The following PRKD1 variants were observed in gnomAD, a reference collection of about 807,000 sequenced individuals.
PRKD1 encodes the protein serine/threonine-protein kinase D1.
In PRKD1, 63 loss-of-function variants were observed where a neutral mutation model predicts 95.9. That is an observed-to-expected ratio of 0.66 (90% confidence interval 0.54 to 0.81). The LOEUF (loss-of-function observed/expected upper bound fraction) is 0.81. Among genes scored for constraint, PRKD1 ranks in the 30% least tolerant of loss-of-function variants. PRKD1 has a pLI of 0.00. For missense variants in PRKD1, 1,048 were observed against 1,165.3 expected (o/e 0.90, Z 1.47); for synonymous variants, 425 against 423.1 (o/e 1.00, Z -0.05).
In PRKD1 at chr14:29,826,838, T is replaced by TACACAC. The variant is rs1162574324; in HGVS notation, c.264+100405_264+100410dup. Among the ~76,000 whole-genome samples the TACACAC allele has an allele frequency of 1.4e-3, 24 of 17,434 alleles. 1 individual carries two copies. Among genetic ancestry groups the TACACAC allele is most frequent in the African/African-American group, 3.9e-3 (19 of 4,840 alleles). 11.4% of individuals were successfully genotyped at this position (17,434 alleles called of 152,430 possible). A position where few individuals can be genotyped will look rare whatever the true frequency, so the allele number is the denominator to read the frequency against. On this transcript the variant is annotated intron_variant, in intron 1 of 17. Coordinates refer to ENST00000331968, the MANE Select transcript of PRKD1 (RefSeq NM_002742.3). ...ACACATATATATATATATATATATATACACACATATATATATATATATATA... is the reference window on the plus strand; with the variant it reads ...ACACATATATATATATATATATATATACACACACACACATATATATATATATATATA...
intron 1 of PRKD1, among the ~76,000 whole-genome samples, chr14:29,903,770 A>C (rs1332711926): frequency 6.6e-6 from 1 of 152,222 alleles, no homozygotes; most frequent in Non-Finnish European, 1.5e-5. Flanking sequence ...ATGTTTATTA[A>C]GGCTGGGTAC....
intron 1 of PRKD1, among the ~76,000 whole-genome samples, chr14:29,759,165 AGATTAGGTGCATAGGCAGTGAGTGTG>A (rs1332750187): frequency 2.0e-5 from 3 of 152,078 alleles, no homozygotes; most frequent in Non-Finnish European, 4.4e-5. Flanking sequence ...CATTATATTG[AGATTAGGTGCATAGGCAGTGAGTGTG>A]GATTAGGTGC....
In PRKD1 at chr14:29,649,502, A is replaced by AT. The variant is rs201718544; in HGVS notation, c.697-10599dup. Reference sequence around the variant, plus strand: ...GTGTTTGTAGTTGCTAGTGTAGTTGATTTTTTTTTGGCTCGAGCTGCGAGA... The same window carrying AT: ...GTGTTTGTAGTTGCTAGTGTAGTTGATTTTTTTTTTGGCTCGAGCTGCGAGA... On this transcript the variant is annotated intron_variant, in intron 4 of 17. Coordinates refer to ENST00000331968, the MANE Select transcript of PRKD1 (RefSeq NM_002742.3). Among the ~76,000 whole-genome samples the AT allele has an allele frequency of 5.2e-4, 75 of 145,530 alleles. 1 individual carries two copies. In the East Asian group the frequency reaches 0.011, roughly 22 times the overall value.
In PRKD1 at chr14:29,910,244, G is replaced by A. The variant is rs150422408; in HGVS notation, c.264+17005C>T. On this transcript the variant is annotated intron_variant, in intron 1 of 17. Transcript: ENST00000331968. ...ATGAACAACTCCGGATGGGAGGAAC[G>A]AACAACTCCAGACGCGCCGCCTTAA... 1.5e-3 allele frequency among the ~76,000 whole-genome samples: 232 copies of A among 152,132 alleles called. 6 individuals carry two copies. The East Asian group carries it at 0.04, about 26-fold the overall frequency.
chr14:29,594,725 A>G (rs1893240840), intron 16 of PRKD1, among the ~76,000 whole-genome samples: 1 of 152,138 alleles, frequency 6.6e-6, no homozygotes, highest in Non-Finnish European at 1.5e-5. Flanking sequence ...AATTGATCTA[A>G]TATCAGCTGT....
intron 1 of PRKD1, among the ~76,000 whole-genome samples, chr14:29,887,948 C>A (rs1294605191): frequency 6.6e-6 from 1 of 152,132 alleles, no homozygotes; most frequent in Non-Finnish European, 1.5e-5. Context: ...CATTACTGAG[C>A]AAAGGAATAT....
chr14:29,721,737 G>A (rs773832621), intron 2 of PRKD1, among the ~76,000 whole-genome samples: 1 of 152,072 alleles, frequency 6.6e-6, no homozygotes, highest in Non-Finnish European at 1.5e-5. Flanking sequence ...AAGAATGCTA[G>A]TCCTTTGTTT....
chr14:29,587,074 T>TG (rs1892961316), intron 16 of PRKD1, among the ~76,000 whole-genome samples: 1 of 152,134 alleles, frequency 6.6e-6, no homozygotes, highest in African/African-American at 2.4e-5. Context: ...AAGAGAAGGC[T>TG]GGGGGAGACG....
intron 10 of PRKD1, among the ~76,000 whole-genome samples, chr14:29,629,989 TCTTCTTCTTCTTCTCCTTCTC>T (rs1257618189): frequency 2.3e-5 from 1 of 44,348 alleles, no homozygotes; most frequent in Non-Finnish European, 9.4e-5. Flanking sequence ...TTCCTCCTCC[TCTTCTTCTTCTTCTCCTTCTC>T]CTTCTTCTTC....
At chr14:29,847,910 T>C (rs962543240) in intron 1 of PRKD1, among the ~76,000 whole-genome samples, 1 of 151,950 alleles carries the variant, frequency 6.6e-6, no homozygotes, top group Non-Finnish European at 1.5e-5. Flanking sequence ...CTCTCTAGGA[T>C]TGGCAGAAGA....
At chr14:29,776,360 A>T (rs755783312) in intron 1 of PRKD1, among the ~76,000 whole-genome samples, 1 of 152,206 alleles carries the variant, frequency 6.6e-6, no homozygotes, top group Non-Finnish European at 1.5e-5. Context: ...CTAAAGGAGG[A>T]TGTTCGAACC....
At chr14:29,684,853 C>A (rs1305288687) in intron 2 of PRKD1, among the ~76,000 whole-genome samples, 2 of 152,164 alleles carry the variant, frequency 1.3e-5, no homozygotes, top group African/African-American at 4.8e-5. Flanking sequence ...TTAAGGCATG[C>A]AATTTTTCCA....
chr14:29,695,647 G>C (rs1318931777), intron 2 of PRKD1, among the ~76,000 whole-genome samples: 1 of 152,196 alleles, frequency 6.6e-6, no homozygotes, highest in African/African-American at 2.4e-5. Context: ...TGGGTATTTT[G>C]CCTTTGCAAA....
intron 4 of PRKD1, among the ~76,000 whole-genome samples, chr14:29,661,066 TATA>T (rs1882160544): frequency 6.6e-6 from 1 of 152,238 alleles, no homozygotes; most frequent in African/African-American, 2.4e-5. Flanking sequence ...TCTATGCTAT[TATA>T]ATATTTTTTC....
intron 1 of PRKD1, among the ~76,000 whole-genome samples, chr14:29,848,175 G>A (rs1238132865): frequency 1.3e-5 from 2 of 152,074 alleles, no homozygotes; most frequent in African/African-American, 4.8e-5. Flanking sequence ...CAGCTTATAG[G>A]AGCCAAGATG....
In PRKD1 at chr14:29,633,032, G is replaced by A. The variant is rs1028538802; in HGVS notation, c.1315-86C>T. On this transcript the variant is annotated intron_variant, in intron 8 of 17. Transcript: ENST00000331968. ...AACATAAATAGATTTCCCCAATAGGGACATGCGATTTGAGGGTGGAAAGTG... is the reference window on the plus strand; with the variant it reads ...AACATAAATAGATTTCCCCAATAGGAACATGCGATTTGAGGGTGGAAAGTG... 5.6e-6 allele frequency: 7 copies of A among 1,253,194 alleles called. No homozygotes were observed. The Admixed American group carries it at 6.8e-5, about 12-fold the overall frequency. 77.6% of individuals were successfully genotyped at this position (1,253,194 alleles called of 1,614,324 possible). A position where few individuals can be genotyped will look rare whatever the true frequency, so the allele number is the denominator to read the frequency against.
chr14:29,723,213 A>T (rs1885982935), intron 2 of PRKD1, among the ~76,000 whole-genome samples: 1 of 152,230 alleles, frequency 6.6e-6, no homozygotes, highest in African/African-American at 2.4e-5. Context: ...GCCATACTTA[A>T]ATGGAAATGA....
chr14:29,916,448 A>G (rs1433968476), intron 1 of PRKD1, among the ~76,000 whole-genome samples: 4 of 152,186 alleles, frequency 2.6e-5, no homozygotes, highest in Non-Finnish European at 5.9e-5. Context: ...TCACTGTTTC[A>G]GGTCTATTCA....
At chr14:29,804,622 TAG>T (rs1315671043) in intron 1 of PRKD1, among the ~76,000 whole-genome samples, 1 of 150,098 alleles carries the variant, frequency 6.7e-6, no homozygotes, top group African/African-American at 2.4e-5. Context: ...ATGTTTAAAA[TAG>T]AGTTACCACA....
Sources: allele counts gnomAD v4.1 joint callset (sites outside exome capture counted in the v4.1 genomes callset), GRCh38; gene constraint gnomAD v4.1.1; transcripts MANE v1.5; gene names NCBI Gene and HGNC (gene_info 2026-07-23, HGNC 2026-07-21).